Variants in SCFD2 observed in about 807,000 individuals in gnomAD.
SCFD2 encodes sec1 family domain containing 2, also known as sec1 family domain-containing protein 2.
In SCFD2, 54 loss-of-function variants were observed where a neutral mutation model predicts 58.9. That is an observed-to-expected ratio of 0.92 (90% CI 0.74 to 1.15). The LOEUF is 1.15. Among genes scored for constraint, SCFD2 ranks in the 50% most tolerant of loss-of-function variants. The probability of loss-of-function intolerance (pLI) is 0.00; values close to 1 mark genes in which losing one functional copy is unlikely to be tolerated. For missense variants in SCFD2, 805 were observed against 836.6 expected (o/e 0.96, Z 0.47); for synonymous variants, 321 against 335.9 (o/e 0.96, Z 0.49).
chr4:53,124,858 G>A (rs1369500858), intron 5 of SCFD2, among the ~76,000 whole-genome samples: 1 of 152,154 alleles, frequency 6.6e-6, no homozygotes, highest in Admixed American at 6.6e-5. Context: ...GGAGAACACA[G>A]TCACTGCTCT....
intron 5 of SCFD2, among the ~76,000 whole-genome samples, chr4:52,934,810 G>T (rs1013967714): frequency 3.9e-5 from 6 of 152,196 alleles, no homozygotes; most frequent in Non-Finnish European, 8.8e-5. Flanking sequence ...TCCATTAATA[G>T]GAGGATACAA....
chr4:53,075,112 T>C (rs1723934014), intron 5 of SCFD2, among the ~76,000 whole-genome samples: 1 of 152,246 alleles, frequency 6.6e-6, no homozygotes. Context: ...GATAACCTGC[T>C]GCTGCTTCTA....
intron 4 of SCFD2, among the ~76,000 whole-genome samples, chr4:53,230,486 G>C (rs1455101711): frequency 6.6e-6 from 1 of 152,124 alleles, no homozygotes; most frequent in East Asian, 1.9e-4. Flanking sequence ...CATGGATGAA[G>C]CTGGAAACCA....
At chr4:53,264,739 C>T (rs1462867278) in intron 4 of SCFD2, among the ~76,000 whole-genome samples, 6 of 152,168 alleles carry the variant, frequency 3.9e-5, no homozygotes, top group African/African-American at 1.4e-4. Flanking sequence ...AATTAGCAGA[C>T]ATACTATTAC....
intron 5 of SCFD2, among the ~76,000 whole-genome samples, chr4:53,076,524 C>T (rs988983261): frequency 2.0e-5 from 3 of 152,090 alleles, no homozygotes; most frequent in African/African-American, 7.2e-5. Context: ...CGGGGCTAAG[C>T]AAATGCGCTG....
At chr4:53,106,128 C>A (rs1724994751) in intron 5 of SCFD2, among the ~76,000 whole-genome samples, 4 of 152,144 alleles carry the variant, frequency 2.6e-5, no homozygotes, top group Admixed American at 2.6e-4. Flanking sequence ...GCAGAGGGGC[C>A]TGACTGTTTA....
chr4:53,252,970 A>T (rs925605241), intron 4 of SCFD2, among the ~76,000 whole-genome samples: 1 of 152,208 alleles, frequency 6.6e-6, no homozygotes, highest in African/African-American at 2.4e-5. Context: ...AATGGGAGAA[A>T]ATTTTTGCAA....
intron 2 of SCFD2, among the ~76,000 whole-genome samples, chr4:53,335,903 C>T (rs552757244): frequency 6.6e-5 from 10 of 152,064 alleles, no homozygotes; most frequent in South Asian, 6.2e-4. Flanking sequence ...AAAAATTATG[C>T]GGGGTATTGT....
At chr4:52,884,688 T>C (rs17082140) in intron 8 of SCFD2, among the ~76,000 whole-genome samples, 1,992 of 152,318 alleles carry the variant, frequency 0.013, 60 homozygotes, top group African/African-American at 0.046. Flanking sequence ...GCAAGGGTTT[T>C]ACATCTTACT....
At chr4:53,140,460 A>G (rs1726101357) in intron 5 of SCFD2, among the ~76,000 whole-genome samples, 2 of 145,502 alleles carry the variant, frequency 1.4e-5, no homozygotes, top group Non-Finnish European at 3.0e-5. Context: ...TTATTGAAAT[A>G]AAATTTAAGT....
At chr4:53,256,316 C>A (rs1730629062) in intron 4 of SCFD2, among the ~76,000 whole-genome samples, 1 of 149,958 alleles carries the variant, frequency 6.7e-6, no homozygotes. Flanking sequence ...CTCCCCACAT[C>A]TCAGACGATG....
chr4:53,360,614 C>A (rs1168421504), intron 1 of SCFD2, among the ~76,000 whole-genome samples: 1 of 152,192 alleles, frequency 6.6e-6, no homozygotes, highest in Admixed American at 6.5e-5. Flanking sequence ...GTGACCTCAC[C>A]CTTCTCAGGA....
chr4:52,962,474 T>C (rs1370821145), intron 5 of SCFD2, among the ~76,000 whole-genome samples: 3 of 152,196 alleles, frequency 2.0e-5, no homozygotes, highest in Non-Finnish European at 4.4e-5. Flanking sequence ...GTCTTCCCTA[T>C]AAATGTCGTC....
intron 4 of SCFD2, among the ~76,000 whole-genome samples, chr4:53,214,770 G>T (rs961833004): frequency 6.6e-5 from 10 of 152,088 alleles, no homozygotes; most frequent in Admixed American, 2.6e-4. Context: ...TTCTTCTAGG[G>T]TTTTTATGGT....
intron 4 of SCFD2, among the ~76,000 whole-genome samples, chr4:53,211,081 A>G (rs1203371086): frequency 6.6e-6 from 1 of 151,756 alleles, no homozygotes; most frequent in Non-Finnish European, 1.5e-5. Context: ...TGTCTCTACT[A>G]AAATACAAAA....
intron 4 of SCFD2, among the ~76,000 whole-genome samples, chr4:53,252,172 T>A (rs1474120001): frequency 4.8e-4 from 65 of 134,102 alleles, no homozygotes; most frequent in Middle Eastern, 3.9e-3. Context: ...GAATCCAACT[T>A]ACAAGGGACG....
intron 5 of SCFD2, among the ~76,000 whole-genome samples, chr4:53,064,862 G>C (rs1350211544): frequency 1.3e-5 from 2 of 152,096 alleles, no homozygotes; most frequent in Non-Finnish European, 2.9e-5. Context: ...GGTTCCATGA[G>C]ATAATACATG....
At chr4:52,956,093 T>C (rs1720705822) in intron 5 of SCFD2, 2 of 456,236 alleles carry the variant, frequency 4.4e-6, no homozygotes, top group Non-Finnish European at 8.8e-6. Flanking sequence ...GTCTCTGAGA[T>C]GCAACACAAG....
chr4:53,016,736 T>G (rs1032862764), intron 5 of SCFD2, among the ~76,000 whole-genome samples: 3 of 152,178 alleles, frequency 2.0e-5, no homozygotes, highest in Non-Finnish European at 1.5e-5. Context: ...CTTGTAGGGA[T>G]TTTTTTAAAA....
Sources: gnomAD v4.1 joint callset for allele counts (sites outside exome capture counted in the v4.1 genomes callset) on GRCh38, gnomAD v4.1.1 for gene constraint, MANE v1.5 for transcripts, NCBI Gene and HGNC (gene_info 2026-07-23, HGNC 2026-07-21) for gene names.